Variants in FRMD3 observed in about 807,000 individuals in gnomAD.
The protein encoded by FRMD3 is FERM domain-containing protein 3.
Under a neutral mutation model 70.2 loss-of-function variants are expected in FRMD3, and 33 were observed. The observed-to-expected ratio is 0.47, with a 90% CI of 0.36 to 0.63. The LOEUF is 0.63. Ranked by LOEUF, FRMD3 falls within the 20% of genes least tolerant of loss-of-function variation. The probability of loss-of-function intolerance (pLI) is 0.00; values close to 1 mark genes in which losing one functional copy is unlikely to be tolerated. For synonymous variants in FRMD3, 279 were observed against 255.9 expected (o/e 1.09, Z -0.86); for missense variants, 632 against 711.4 (o/e 0.89, Z 1.27).
At chr9:83,458,620 G>A (rs1467657360) in intron 1 of FRMD3, among the ~76,000 whole-genome samples, 1 of 152,182 alleles carries the variant, frequency 6.6e-6, no homozygotes, top group East Asian at 1.9e-4. Context: ...CCTGTGACAG[G>A]CGGACTGGTC....
At chr9:83,483,885 T>C (rs1038134208) in intron 1 of FRMD3, among the ~76,000 whole-genome samples, 6 of 152,060 alleles carry the variant, frequency 3.9e-5, no homozygotes, top group Admixed American at 1.3e-4. Context: ...ATGTGTTGGC[T>C]ATAAGGAATC....
At chr9:83,424,746 C>G (rs891565956) in intron 1 of FRMD3, among the ~76,000 whole-genome samples, 2 of 152,204 alleles carry the variant, frequency 1.3e-5, no homozygotes, top group Non-Finnish European at 2.9e-5. Flanking sequence ...AACAAGAAGA[C>G]AGATATATCT....
chr9:83,305,511 T>C (rs111282527), intron 10 of FRMD3, among the ~76,000 whole-genome samples: 17 of 152,272 alleles, frequency 1.1e-4, no homozygotes, highest in South Asian at 2.1e-4. Context: ...ACCAAGCCCA[T>C]TGACTTCCAA....
intron 1 of FRMD3, among the ~76,000 whole-genome samples, chr9:83,420,419 A>G (rs1235428823): frequency 6.6e-6 from 1 of 152,216 alleles, no homozygotes; most frequent in Non-Finnish European, 1.5e-5. Flanking sequence ...TAACAAATAT[A>G]CATATCCCAT....
At chr9:83,578,099 C>CA in the FRMD3 span, among the ~76,000 whole-genome samples, 1 of 151,558 alleles carries the variant, frequency 6.6e-6, no homozygotes, top group Admixed American at 6.6e-5. Context: ...TTTCTAGACA[C>CA]AAACGGCCTG....
chr9:83,429,163 T>G (rs960047334), intron 1 of FRMD3, among the ~76,000 whole-genome samples: 3 of 152,204 alleles, frequency 2.0e-5, no homozygotes, highest in African/African-American at 7.2e-5. Flanking sequence ...CAGTTAATAC[T>G]TCTCTTCGTA....
intron 6 of FRMD3, among the ~76,000 whole-genome samples, chr9:83,322,231 T>C (rs72743062): frequency 0.17 from 25,463 of 151,948 alleles, 2,138 homozygotes; most frequent in South Asian, 0.24. Context: ...GAGCCTGGCT[T>C]CCCTGTTCCT....
rs530100966 is a variant in FRMD3, at chr9:83,383,012, A to G, written c.252+6592T>C. On this transcript the variant is annotated intron_variant, in intron 2 of 13. Coordinates refer to ENST00000304195, the MANE Select transcript of FRMD3 (RefSeq NM_174938.6). Reference sequence around the variant, plus strand: ...TTATTTGGTAAGTGGCTCCACCTATACTTGGAGCTCTAAGCAGCCGTGTAA... The same window carrying G: ...TTATTTGGTAAGTGGCTCCACCTATGCTTGGAGCTCTAAGCAGCCGTGTAA... Among the ~76,000 whole-genome samples, 41 of 152,182 alleles carry G rather than the reference A, an allele frequency of 2.7e-4. No homozygotes were observed. The South Asian group carries it at 8.3e-3, about 31-fold the overall frequency.
upstream of FRMD3, among the ~76,000 whole-genome samples, chr9:83,542,544 G>A (rs7022499): frequency 5.9e-3 from 892 of 152,260 alleles, 7 homozygotes; most frequent in African/African-American, 0.02. Flanking sequence ...TTGATCTATA[G>A]GTTAAGTGCA....
At chr9:83,289,405 T>C (rs540184424) in intron 13 of FRMD3, among the ~76,000 whole-genome samples, 3 of 152,368 alleles carry the variant, frequency 2.0e-5, no homozygotes, top group South Asian at 2.1e-4. Flanking sequence ...CCATCTTTCA[T>C]ACTTTGCACA....
At chr9:83,452,389 A>C (rs1176596610) in intron 1 of FRMD3, among the ~76,000 whole-genome samples, 1 of 152,202 alleles carries the variant, frequency 6.6e-6, no homozygotes, top group Non-Finnish European at 1.5e-5. Flanking sequence ...AAAAGAAAAA[A>C]AATTAGTTGG....
chr9:83,469,686 G>GA lies in FRMD3; in HGVS notation c.147+68398dup, dbSNP rs534671820. Among the ~76,000 whole-genome samples, 243 of 146,028 alleles carry GA rather than the reference G, an allele frequency of 1.7e-3. 2 individuals carry two copies. Among genetic ancestry groups the GA allele is most frequent in the South Asian group, 0.012 (54 of 4,642 alleles). ...CGTCCTTTTTTATTTGAGACAAAGA[G>GA]AAAAAAAAAACACATTAAACTGGAG... On this transcript the variant is annotated intron_variant, in intron 1 of 13. Transcript: ENST00000304195.
At chr9:83,357,257 ATAT>A (rs1564032701) in intron 3 of FRMD3, among the ~76,000 whole-genome samples, 3 of 41,010 alleles carry the variant, frequency 7.3e-5, no homozygotes, top group African/African-American at 5.5e-4. Flanking sequence ...ATATATATAT[ATAT>A]ATATATATAT....
chr9:83,478,852 T>C (rs1399976381), intron 1 of FRMD3, among the ~76,000 whole-genome samples: 2 of 152,138 alleles, frequency 1.3e-5, no homozygotes, highest in Non-Finnish European at 2.9e-5. Flanking sequence ...GGCATCTCCC[T>C]CAGTTTCCCA....
chr9:83,576,997 G>A, the FRMD3 span, among the ~76,000 whole-genome samples: 2 of 151,938 alleles, frequency 1.3e-5, no homozygotes, highest in African/African-American at 4.8e-5. Flanking sequence ...ATTCACAATA[G>A]TATCAAAAAA....
chr9:83,313,976 T>G (rs1835465429), intron 6 of FRMD3, among the ~76,000 whole-genome samples: 1 of 152,224 alleles, frequency 6.6e-6, no homozygotes, highest in African/African-American at 2.4e-5. Context: ...ACACGCACTC[T>G]GAGCGCTCCA....
intron 4 of FRMD3, among the ~76,000 whole-genome samples, chr9:83,348,666 T>C (rs533735716): frequency 1.3e-5 from 2 of 152,230 alleles, no homozygotes; most frequent in East Asian, 1.9e-4. Context: ...CCAGGCCAGA[T>C]TGCAAAATCC....
chr9:83,462,336 G>A (rs372415016), intron 1 of FRMD3, among the ~76,000 whole-genome samples: 5 of 152,118 alleles, frequency 3.3e-5, no homozygotes, highest in African/African-American at 9.7e-5. Flanking sequence ...AAGGTCCTAC[G>A]GTCTCTGAAG....
At chr9:83,405,986 CT>C (rs148695520) in intron 1 of FRMD3, among the ~76,000 whole-genome samples, 6 of 149,762 alleles carry the variant, frequency 4.0e-5, no homozygotes, top group South Asian at 4.3e-4. Context: ...TAGGCAATTT[CT>C]TTTTTTTTTC....
Sources: allele counts gnomAD v4.1 joint callset (sites outside exome capture counted in the v4.1 genomes callset), GRCh38; gene constraint gnomAD v4.1.1; transcripts MANE v1.5; gene names NCBI Gene and HGNC (gene_info 2026-07-23, HGNC 2026-07-21).